The following ZNF343 variants were observed in gnomAD, a reference collection of about 807,000 sequenced individuals.
ZNF343 encodes the protein zinc finger protein 343.
A neutral mutation model predicts 13.8 loss-of-function variants in ZNF343; 11 were observed. That is an observed-to-expected ratio of 0.80 (90% CI 0.50 to 1.32). ZNF343 has a LOEUF of 1.32. Ranked by LOEUF, ZNF343 falls within the 40% of genes most tolerant of loss-of-function variation. The pLI is 0.00. For missense variants in ZNF343, 658 were observed against 714.2 expected (o/e 0.92, Z 0.90); for synonymous variants, 248 against 260.0 (o/e 0.95, Z 0.44).
At chr20:2,502,685 A>G (rs2085589572) in intron 1 of ZNF343, among the ~76,000 whole-genome samples, 1 of 152,226 alleles carries the variant, frequency 6.6e-6, no homozygotes, top group Non-Finnish European at 1.5e-5. Flanking sequence ...AGAATTTTCA[A>G]CCCAGAATTT....
chr20:2,524,663 A>G (rs960714469), upstream of ZNF343: 1 of 152,402 alleles, frequency 6.6e-6, no homozygotes. Context: ...GGGGGAGCCC[A>G]GGGGGCCTTC....
intron 1 of ZNF343, among the ~76,000 whole-genome samples, chr20:2,506,369 T>C (rs529295213): frequency 1.3e-5 from 2 of 152,062 alleles, no homozygotes; most frequent in Non-Finnish European, 2.9e-5. Flanking sequence ...AGTTCAACCA[T>C]TGTAGAAGTC....
intron 1 of ZNF343, among the ~76,000 whole-genome samples, chr20:2,502,607 T>G (rs1382837547): frequency 6.6e-6 from 1 of 151,922 alleles, no homozygotes; most frequent in African/African-American, 2.4e-5. Flanking sequence ...GACTAACAGC[T>G]GATCTCTCGG....
intron 2 of ZNF343, among the ~76,000 whole-genome samples, chr20:2,497,362 AC>A (rs1248590998): frequency 6.6e-6 from 1 of 152,184 alleles, no homozygotes; most frequent in Admixed American, 6.5e-5. Flanking sequence ...GGAGGACTCC[AC>A]AGTTAGGAGG....
At chr20:2,499,043 T>C (rs2122659019) in intron 2 of ZNF343, among the ~76,000 whole-genome samples, 1 of 152,164 alleles carries the variant, frequency 6.6e-6, no homozygotes, top group Non-Finnish European at 1.5e-5. Context: ...TTTTGTCATG[T>C]TGTCCAGGCT....
Position 2,493,945 on chromosome 20 carries a change from G to C in ZNF343, c.-50C>G, listed in dbSNP as rs748759988. 1.6e-6 allele frequency: 2 copies of C among 1,241,808 alleles called. No individual in the cohort carries two copies. Among genetic ancestry groups the C allele is most frequent in the Admixed American group, 1.7e-5 (1 of 58,920 alleles). 76.9% of individuals were successfully genotyped at this position (1,241,808 alleles called of 1,614,324 possible). On this transcript the variant is annotated 5_prime_UTR_variant, in exon 3 of 6. Transcript: ENST00000278772. ...GCCTTGAAATTCTGCCAGAGGTCCA[G>C]GTAGATGTTATTTCATCTCAAGATG...
chr20:2,500,437 A>G (rs2122674478), intron 2 of ZNF343, among the ~76,000 whole-genome samples: 1 of 152,364 alleles, frequency 6.6e-6, no homozygotes, highest in African/African-American at 2.4e-5. Context: ...GGCTGGGGCA[A>G]GGACGGTGAT....
chr20:2,484,756 A>G, intron 5 of ZNF343, 100 bp from the exon 6 acceptor site: 1 of 1,058,408 alleles, frequency 9.4e-7, no homozygotes, highest in East Asian at 2.4e-5. Context: ...CATGCCTATA[A>G]TTGATAATAT....
intron 1 of ZNF343, among the ~76,000 whole-genome samples, chr20:2,506,508 C>T (rs1427718630): frequency 2.6e-5 from 4 of 151,938 alleles, no homozygotes; most frequent in Admixed American, 6.6e-5. Context: ...ATGTTTATTG[C>T]GGCACTATTC....
At chr20:2,513,533 G>A (rs1458961153), upstream of ZNF343, among the ~76,000 whole-genome samples, 3 of 152,206 alleles carry the variant, frequency 2.0e-5, no homozygotes, top group African/African-American at 7.2e-5. Context: ...TTGCTGGTAA[G>A]AATGTAAAGT....
chr20:2,524,902 T>G (rs1163705311), upstream of ZNF343, among the ~76,000 whole-genome samples: 1 of 152,148 alleles, frequency 6.6e-6, no homozygotes, highest in African/African-American at 2.4e-5. Context: ...TGGCTCCCGA[T>G]CTTCCGCGGG....
At chr20:2,501,749 G>T (rs2085570871) in intron 1 of ZNF343, among the ~76,000 whole-genome samples, 1 of 152,230 alleles carries the variant, frequency 6.6e-6, no homozygotes, top group African/African-American at 2.4e-5. Context: ...GCAGCTGAAG[G>T]TCCTGACTGT....
chr20:2,501,648 G>A (rs1390862497), intron 1 of ZNF343, among the ~76,000 whole-genome samples: 2 of 152,202 alleles, frequency 1.3e-5, no homozygotes, highest in Non-Finnish European at 2.9e-5. Flanking sequence ...AACATTTGCT[G>A]TTCACCAATA....
In ZNF343 at chr20:2,493,544, T is replaced by C. The variant is rs746951183; in HGVS notation, c.152A>G (p.Lys51Arg). The C allele has an allele frequency of 6.2e-7, 1 of 1,613,866 alleles. No individual in the cohort carries two copies. The highest frequency in any genetic ancestry group is 1.1e-5 in the South Asian group (1 of 91,058). The change falls in exon 4 of 6, where the codon AAA becomes AGA. Residue 51 changes from lysine (K) to arginine (R), a missense_variant. By Grantham distance (26) the Lys-to-Arg change is conservative. Coordinates refer to ENST00000278772, the MANE Select transcript of ZNF343 (RefSeq NM_024325.6). ...LPSNDTDCPQ[K>R]KEGKAQIVVP... is the part of the protein sequence containing the mutation. Reference sequence around the variant, plus strand: ...CACTATTTGGGCCTTTCCCTCCTTTTTCTGGGGGCAGTCAGTATCATTAGA... The same window carrying C: ...CACTATTTGGGCCTTTCCCTCCTTTCTCTGGGGGCAGTCAGTATCATTAGA...
chr20:2,513,886 T>G (rs1203073507), upstream of ZNF343, among the ~76,000 whole-genome samples: 1 of 152,182 alleles, frequency 6.6e-6, no homozygotes, highest in Non-Finnish European at 1.5e-5. Flanking sequence ...GACCATACAC[T>G]GTATCATTCC....
Position 2,483,180 on chromosome 20 carries a change from C to G in ZNF343, c.1781G>C (p.Arg594Thr), listed in dbSNP as rs1229633065. 6.2e-7 allele frequency: 1 copy of G among 1,609,680 alleles called. No individual in the cohort carries two copies. The highest frequency in any genetic ancestry group is 2.2e-5 in the East Asian group (1 of 44,832). ...RGFSHKSNLI[R>T]HQRTH ...CTCCCGTCAGTGTGTCCTCTGGTGTCTGATGAGATTTGACTTATGACTAAA... is the reference window on the plus strand; with the variant it reads ...CTCCCGTCAGTGTGTCCTCTGGTGTGTGATGAGATTTGACTTATGACTAAA... The change falls in exon 6 of 6, where the codon AGA becomes ACA. Residue 594 changes from arginine (R) to threonine (T), a missense_variant. Arg to Thr is a moderately conservative substitution (Grantham distance 71). Coordinates refer to ENST00000278772, the MANE Select transcript of ZNF343 (RefSeq NM_024325.6).
chr20:2,496,831 A>G (rs2085466987), intron 2 of ZNF343, among the ~76,000 whole-genome samples: 1 of 152,206 alleles, frequency 6.6e-6, no homozygotes, highest in South Asian at 2.1e-4. Flanking sequence ...CTTTAATCCC[A>G]GCACTGTGGG....
chr20:2,520,632 TCTAA>T (rs1226771224), intron 1 of ZNF343, among the ~76,000 whole-genome samples: 1 of 152,184 alleles, frequency 6.6e-6, no homozygotes, highest in East Asian at 1.9e-4. Flanking sequence ...CTAGATATGC[TCTAA>T]CTCATCTTAA....
rs775412523 is a variant in ZNF343, at chr20:2,518,695, C to T, written c.-347+5760G>A. Among the ~76,000 whole-genome samples the T allele has an allele frequency of 6.6e-6, 1 of 152,152 alleles. No individual in the cohort carries two copies. Among genetic ancestry groups the T allele is most frequent in the Non-Finnish European group, 1.5e-5 (1 of 68,038 alleles). ...CCACTTGCTTCACATCCACTCAATA[C>T]CTATGCTCTGACAATCACCCACACA... On this transcript the variant is annotated intron_variant, in intron 1 of 6. Coordinates refer to the ZNF343 transcript ENST00000358413. This position sits in a 1 kb window ranked among gnomAD's most constrained non-coding sequence, Gnocchi z 4.6.
Sources: gnomAD v4.1 joint callset for allele counts (sites outside exome capture counted in the v4.1 genomes callset) on GRCh38, gnomAD v4.1.1 for gene constraint, Gnocchi (gnomAD v3.1) non-coding constraint, MANE v1.5 for transcripts, NCBI Gene and HGNC (gene_info 2026-07-23, HGNC 2026-07-21) for gene names.